The following CACNA1D variants were observed in gnomAD, a reference collection of about 807,000 sequenced individuals.
The protein encoded by CACNA1D is calcium voltage-gated channel subunit alpha1 D, also known as voltage-dependent L-type calcium channel subunit alpha-1D.
A neutral mutation model predicts 257.1 loss-of-function variants in CACNA1D; 55 were observed. The observed-to-expected ratio is 0.21, with a 90% confidence interval of 0.17 to 0.27. CACNA1D has a LOEUF of 0.27. CACNA1D is among the 10% of genes least tolerant of loss of function. CACNA1D has a pLI of 1.00. For missense variants in CACNA1D, 1,876 were observed against 2,784.0 expected (o/e 0.67, Z 7.34); for synonymous variants, 980 against 1,014.9 (o/e 0.97, Z 0.65).
chr3:53,703,564 C>T (rs1307651999), intron 9 of CACNA1D, among the ~76,000 whole-genome samples: 1 of 152,226 alleles, frequency 6.6e-6, no homozygotes, highest in African/African-American at 2.4e-5. Flanking sequence ...AGAGTGGAAA[C>T]TGGAATCCAG....
intron 3 of CACNA1D, among the ~76,000 whole-genome samples, chr3:53,541,896 C>T (rs2107526987): frequency 6.6e-6 from 1 of 152,266 alleles, no homozygotes; most frequent in South Asian, 2.1e-4. Flanking sequence ...GAGACAATCA[C>T]AAAAGACCAC....
chr3:53,641,806 G>T (rs1352553191), intron 3 of CACNA1D, among the ~76,000 whole-genome samples: 2 of 152,210 alleles, frequency 1.3e-5, no homozygotes, highest in African/African-American at 4.8e-5. Context: ...AATTCCCAGA[G>T]GCAGTGACTT....
intron 3 of CACNA1D, among the ~76,000 whole-genome samples, chr3:53,618,241 A>G (rs556201886): frequency 6.6e-6 from 1 of 152,310 alleles, no homozygotes; most frequent in South Asian, 2.1e-4. Flanking sequence ...GAGGGCATGA[A>G]GGGCTGGGCT....
At chr3:53,632,295 A>G (rs1045984002) in intron 3 of CACNA1D, among the ~76,000 whole-genome samples, 5 of 152,208 alleles carry the variant, frequency 3.3e-5, no homozygotes, top group Admixed American at 2.6e-4. Context: ...AAAACTTATG[A>G]ACTAAGCCCT....
intron 11 of CACNA1D, among the ~76,000 whole-genome samples, chr3:53,721,851 A>C (rs2094886114): frequency 1.3e-5 from 2 of 152,256 alleles, no homozygotes; most frequent in Admixed American, 6.5e-5. Context: ...TGCCTGGTAA[A>C]TTCTGTATGG....
chr3:53,546,405 CT>C (rs1316422162), intron 3 of CACNA1D, among the ~76,000 whole-genome samples: 1 of 152,232 alleles, frequency 6.6e-6, no homozygotes, highest in African/African-American at 2.4e-5. Flanking sequence ...ACTGTCCAGA[CT>C]TTTCTGTATT....
chr3:53,504,560 G>A (rs1258562310), intron 3 of CACNA1D, among the ~76,000 whole-genome samples: 1 of 152,132 alleles, frequency 6.6e-6, no homozygotes, highest in African/African-American at 2.4e-5. Context: ...TTATGGACTT[G>A]CAGGGCTAGT....
chr3:53,725,362 G>A (rs17053417), intron 14 of CACNA1D, among the ~76,000 whole-genome samples: 38,284 of 151,978 alleles, frequency 0.25, 5,161 homozygotes, highest in African/African-American at 0.33. Flanking sequence ...TTGCTGACAA[G>A]CATTGAGTTC....
chr3:53,787,087 C>A, intron 40 of CACNA1D, 135 bp downstream of exon 40: 1 of 888,586 alleles, frequency 1.1e-6, no homozygotes, highest in Non-Finnish European at 1.8e-6. Context: ...TACACACTCC[C>A]CCAAATGTGG....
intron 3 of CACNA1D, among the ~76,000 whole-genome samples, chr3:53,573,389 G>A (rs1430719807): frequency 6.6e-6 from 1 of 152,094 alleles, no homozygotes; most frequent in African/African-American, 2.4e-5. Flanking sequence ...CTGTGCCCTG[G>A]GGCCTTTGTA....
At chr3:53,776,116 G>A in intron 35 of CACNA1D, 71 bp downstream of exon 35, 1 of 1,383,828 alleles carries the variant, frequency 7.2e-7, no homozygotes, top group Non-Finnish European at 1.0e-6. Flanking sequence ...CACACAAATG[G>A]CCTTGCCCTG....
intron 3 of CACNA1D, among the ~76,000 whole-genome samples, chr3:53,613,733 T>A (rs2093607241): frequency 6.6e-6 from 1 of 151,920 alleles, no homozygotes; most frequent in Non-Finnish European, 1.5e-5. Context: ...ATACCCAGCT[T>A]CTGCTTGGAT....
intron 21 of CACNA1D, among the ~76,000 whole-genome samples, chr3:53,742,282 G>A (rs1202961705): frequency 6.6e-6 from 1 of 152,152 alleles, no homozygotes; most frequent in Admixed American, 6.5e-5. Flanking sequence ...AAAATAAATA[G>A]TGAGCTGTAT....
chr3:53,581,193 G>A (rs766234000), intron 3 of CACNA1D, among the ~76,000 whole-genome samples: 2 of 152,206 alleles, frequency 1.3e-5, no homozygotes, highest in Admixed American at 6.5e-5. Flanking sequence ...TCTTGTCACC[G>A]ATATATGCTC....
At chr3:53,730,614 A>T in intron 16 of CACNA1D, 58 bp downstream of exon 16, 1 of 1,267,556 alleles carries the variant, frequency 7.9e-7, no homozygotes, top group South Asian at 1.2e-5. Flanking sequence ...GCCCTGCAAC[A>T]GTTGCAGCCT....
chr3:53,786,607 A>C, intron 39 of CACNA1D: 1 of 575,602 alleles, frequency 1.7e-6, no homozygotes, highest in South Asian at 2.0e-5. Flanking sequence ...CAGTTCATTT[A>C]ACTGACACTA....
intron 3 of CACNA1D, among the ~76,000 whole-genome samples, chr3:53,623,211 C>T (rs1248344975): frequency 6.6e-6 from 1 of 152,170 alleles, no homozygotes; most frequent in Non-Finnish European, 1.5e-5. Context: ...AAAGAGAAAG[C>T]GCGGTGTATC....
intron 3 of CACNA1D, among the ~76,000 whole-genome samples, chr3:53,579,925 C>T (rs895593148): frequency 1.3e-5 from 2 of 152,228 alleles, no homozygotes; most frequent in East Asian, 3.9e-4. Flanking sequence ...CGCTGATGGC[C>T]AGTGGGGCCA....
Position 53,726,974 on chromosome 3 carries a change from C to A in CACNA1D, c.2196C>A (p.Phe732Leu), listed in dbSNP as rs755286686. Residue 732 changes from phenylalanine to leucine, a missense_variant, in exon 15 of 48, where the codon TTC becomes TTA. This residue lies in a region of CACNA1D where 257 missense variants were observed against 399.7 expected (regional missense o/e 0.64). Coordinates refer to ENST00000350061, the MANE Select transcript of CACNA1D (RefSeq NM_001128840.3). ...CAGGAATGATCGTCTGCATCTACTT[C>A]ATCATCCTCTTCATTTGTGGTAACT... ...SSSGMIVCIY[F>L]IILFICGNYI... The A allele has an allele frequency of 6.2e-7, 1 of 1,614,148 alleles. No homozygotes were observed. The highest frequency in any genetic ancestry group is 1.1e-5 in the South Asian group (1 of 91,080).
Sources: allele counts gnomAD v4.1 joint callset (sites outside exome capture counted in the v4.1 genomes callset), GRCh38; gene constraint gnomAD v4.1.1; regional missense constraint gnomAD v4.1.1; transcripts MANE v1.5; gene names NCBI Gene and HGNC (gene_info 2026-07-23, HGNC 2026-07-21).